SRD5A2: variants seen among roughly 807,000 people sequenced by gnomAD.
The protein encoded by SRD5A2 is steroid 5 alpha-reductase 2, also known as 3-oxo-5-alpha-steroid 4-dehydrogenase 2.
Under a neutral mutation model 27.4 loss-of-function variants are expected in SRD5A2, and 30 were observed. That is an observed-to-expected ratio of 1.10 (90% CI 0.82 to 1.49). The LOEUF (loss-of-function observed/expected upper bound fraction) is 1.49. Ranked by LOEUF, SRD5A2 falls within the 40% of genes most tolerant of loss-of-function variation. The probability of loss-of-function intolerance (pLI) is 0.00; values close to 1 mark genes in which losing one functional copy is unlikely to be tolerated. For missense variants in SRD5A2, 348 were observed against 323.4 expected (o/e 1.08, Z -0.58); for synonymous variants, 141 against 133.6 (o/e 1.06, Z -0.38).
At chr2:31,645,298 T>C in the SRD5A2 span, among the ~76,000 whole-genome samples, 2 of 152,142 alleles carry the variant, frequency 1.3e-5, no homozygotes, top group African/African-American at 4.8e-5. Context: ...CTAAAATAAC[T>C]TAAAGAGTGT....
At chr2:31,602,705 C>A in the SRD5A2 span, among the ~76,000 whole-genome samples, 1 of 151,954 alleles carries the variant, frequency 6.6e-6, no homozygotes, top group Admixed American at 6.6e-5. Flanking sequence ...GGTGGAAGAA[C>A]AGATACATGG....
chr2:31,545,189 A>G (rs1666218986), intron 1 of SRD5A2, among the ~76,000 whole-genome samples: 1 of 152,088 alleles, frequency 6.6e-6, no homozygotes, highest in Admixed American at 6.5e-5. Context: ...TTCCAAAAAA[A>G]AAATGAAGAG....
the SRD5A2 span, among the ~76,000 whole-genome samples, chr2:31,599,881 G>A: frequency 1.4e-4 from 21 of 151,638 alleles, no homozygotes; most frequent in Non-Finnish European, 2.2e-4. Flanking sequence ...GGTTTGTTAC[G>A]TAGGTAAACT....
upstream of SRD5A2, among the ~76,000 whole-genome samples, chr2:31,585,024 T>G (rs1667151677): frequency 6.6e-6 from 1 of 152,148 alleles, no homozygotes. Context: ...GGTGAGGCAT[T>G]AAACTCAGTG....
At chr2:31,660,481 T>C in the SRD5A2 span, among the ~76,000 whole-genome samples, 2 of 152,032 alleles carry the variant, frequency 1.3e-5, no homozygotes, top group African/African-American at 4.8e-5. Flanking sequence ...TCCAAACCCA[T>C]AGAATGAACA....
At chr2:31,583,634 AAAAAGCAAAAAAAAAACCAAAAAAAAAGC>A (rs1348579774), upstream of SRD5A2, among the ~76,000 whole-genome samples, 3 of 21,998 alleles carry the variant, frequency 1.4e-4, no homozygotes, top group Non-Finnish European at 2.3e-4. Flanking sequence ...AAAAACAAAA[AAAAAGCAAAAAAAAAACCAAAAAAAAAGC>A]AAAAAAAAAA....
the SRD5A2 span, among the ~76,000 whole-genome samples, chr2:31,633,096 C>A: frequency 6.6e-6 from 1 of 152,072 alleles, no homozygotes; most frequent in East Asian, 1.9e-4. Flanking sequence ...AAAAGAGCCA[C>A]AAGGTGGGAC....
the SRD5A2 span, among the ~76,000 whole-genome samples, chr2:31,596,378 A>C: frequency 4.9e-5 from 6 of 123,332 alleles, no homozygotes; most frequent in African/African-American, 1.9e-4. Flanking sequence ...ACAGAGCAAG[A>C]CTCCACCAAA....
At chr2:31,533,486 G>C (rs1665959324) in intron 2 of SRD5A2, 117 bp downstream of exon 2, 1 of 904,936 alleles carries the variant, frequency 1.1e-6, no homozygotes, top group Admixed American at 2.2e-5. Context: ...GTAGAGGTGA[G>C]GGAGGGGAAG....
At chr2:31,627,433 G>GGTGTGTGT in the SRD5A2 span, among the ~76,000 whole-genome samples, 272 of 149,818 alleles carry the variant, frequency 1.8e-3, 4 homozygotes, top group African/African-American at 6.4e-3. Context: ...TTTGTACGGG[G>GGTGTGTGT]GTGTGTGTGT....
chr2:31,653,087 A>G, the SRD5A2 span, among the ~76,000 whole-genome samples: 1 of 152,032 alleles, frequency 6.6e-6, no homozygotes, highest in African/African-American at 2.4e-5. Flanking sequence ...CATTTTTCCC[A>G]CACTAACAAA....
chr2:31,529,746 AAGGG>A (rs1472860500), intron 3 of SRD5A2, among the ~76,000 whole-genome samples: 3 of 152,190 alleles, frequency 2.0e-5, no homozygotes, highest in African/African-American at 7.2e-5. Flanking sequence ...TGGGTAGGAT[AAGGG>A]AGAGGTGTAG....
At chr2:31,564,014 T>A (rs568794919) in intron 1 of SRD5A2, among the ~76,000 whole-genome samples, 2 of 151,894 alleles carry the variant, frequency 1.3e-5, no homozygotes, top group African/African-American at 2.4e-5. Context: ...CAACACCCAA[T>A]GAGGTACAAT....
the SRD5A2 span, among the ~76,000 whole-genome samples, chr2:31,636,956 G>A: frequency 1.3e-5 from 2 of 151,862 alleles, no homozygotes; most frequent in Non-Finnish European, 2.9e-5. Context: ...ATCTTTATCT[G>A]GTTTCAGTAT....
Position 31,580,856 on chromosome 2 carries a change from G to A in SRD5A2, c.45C>T (p.Ala15=). The change falls in exon 1 of 5, where the codon GCC becomes GCT. Residue 15 remains alanine (A), a synonymous_variant. Coordinates refer to ENST00000622030, the MANE Select transcript of SRD5A2 (RefSeq NM_000348.4). ...CQQSPVLAGS[A]TLVALGALAL... Reference sequence around the variant, plus strand: ...CCAGTGCCCCAAGGGCGACCAAAGTGGCGCTGCCTGCCAGCACTGGGCTCT... The same window carrying A: ...CCAGTGCCCCAAGGGCGACCAAAGTAGCGCTGCCTGCCAGCACTGGGCTCT... 2 of 1,611,342 alleles carry A rather than the reference G, an allele frequency of 1.2e-6. No individual in the cohort carries two copies. Among genetic ancestry groups the A allele is most frequent in the African/African-American group, 1.3e-5 (1 of 75,032 alleles).
chr2:31,526,285 T>C (rs1458430074), intron 4 of SRD5A2, 23 bp from the exon 5 acceptor site: 40 of 1,497,242 alleles, frequency 2.7e-5, no homozygotes, highest in Middle Eastern at 1.7e-4. Context: ...AAAGGAATAA[T>C]TGTAAATATA....
the SRD5A2 span, among the ~76,000 whole-genome samples, chr2:31,589,743 C>T: frequency 4.6e-5 from 7 of 151,974 alleles, no homozygotes; most frequent in East Asian, 5.8e-4. Flanking sequence ...TGTGCAGAAA[C>T]GGGGTGGGGG....
chr2:31,546,468 T>A (rs1388304759), intron 1 of SRD5A2, among the ~76,000 whole-genome samples: 1 of 152,100 alleles, frequency 6.6e-6, no homozygotes, highest in Non-Finnish European at 1.5e-5. Context: ...CCATAAAAAA[T>A]TAAATTATGT....
At chr2:31,558,558 G>A (rs994575518) in intron 1 of SRD5A2, among the ~76,000 whole-genome samples, 5 of 152,098 alleles carry the variant, frequency 3.3e-5, no homozygotes, top group African/African-American at 1.2e-4. Flanking sequence ...CCATCGTCCC[G>A]GTGTTTCCCT....
Sources: allele counts gnomAD v4.1 joint callset (sites outside exome capture counted in the v4.1 genomes callset), GRCh38; gene constraint gnomAD v4.1.1; transcripts MANE v1.5; gene names NCBI Gene and HGNC (gene_info 2026-07-23, HGNC 2026-07-21).